DLC1: variants seen among roughly 807,000 people sequenced by gnomAD.
DLC1 encodes the protein DLC1 Rho GTPase activating protein.
In DLC1, 54 loss-of-function variants were observed where a neutral mutation model predicts 140.3. The observed-to-expected ratio is 0.38, with a 90% CI of 0.31 to 0.48. DLC1 has a LOEUF of 0.48. Ranked by LOEUF, DLC1 falls within the 20% of genes least tolerant of loss-of-function variation. The pLI is 0.96. For synonymous variants in DLC1, 986 were observed against 728.1 expected, an observed-to-expected ratio of 1.35 and a Z score of -5.70; for missense variants, 2,536 against 1,907.0, an observed-to-expected ratio of 1.33 and a Z score of -6.14.
intron 4 of DLC1, among the ~76,000 whole-genome samples, chr8:13,334,425 T>C (rs1422626469): frequency 6.6e-6 from 1 of 152,000 alleles, no homozygotes; most frequent in Non-Finnish European, 1.5e-5. Context: ...CAGCTGGAAG[T>C]TCTAAGCAAG....
chr8:13,398,521 T>A (rs537930201), intron 3 of DLC1, among the ~76,000 whole-genome samples: 1 of 149,372 alleles, frequency 6.7e-6, no homozygotes, highest in Non-Finnish European at 1.5e-5. Context: ...TCCCAACACA[T>A]TGGGAGGCCG....
intron 5 of DLC1, among the ~76,000 whole-genome samples, chr8:13,144,051 C>T (rs963277855): frequency 1.3e-5 from 2 of 152,232 alleles, no homozygotes; most frequent in East Asian, 1.9e-4. Flanking sequence ...AGATAGCTGG[C>T]AAAGTATCAT....
At chr8:13,492,360 G>C (rs1801291221) in intron 2 of DLC1, among the ~76,000 whole-genome samples, 1 of 152,006 alleles carries the variant, frequency 6.6e-6, no homozygotes, top group Non-Finnish European at 1.5e-5. Context: ...TCATCCTGTT[G>C]AAATTGAATC....
chr8:13,283,690 T>TG (rs1408378019), intron 5 of DLC1, among the ~76,000 whole-genome samples: 1 of 152,124 alleles, frequency 6.6e-6, no homozygotes, highest in African/African-American at 2.4e-5. Context: ...TATTTTTTAA[T>TG]GTTTTGTAGA....
intron 2 of DLC1, among the ~76,000 whole-genome samples, chr8:13,482,015 C>T (rs1201161263): frequency 6.6e-6 from 1 of 152,200 alleles, no homozygotes; most frequent in African/African-American, 2.4e-5. Context: ...GGAACCAATT[C>T]TCCTTCAGAG....
At chr8:13,162,151 C>T (rs1452923215) in intron 5 of DLC1, among the ~76,000 whole-genome samples, 2 of 152,166 alleles carry the variant, frequency 1.3e-5, no homozygotes, top group Non-Finnish European at 2.9e-5. Context: ...AGCCACTGCT[C>T]TTGGAACAGC....
intron 1 of DLC1, chr8:13,583,744 G>A (rs376496125): frequency 1.3e-5 from 2 of 152,262 alleles, no homozygotes; most frequent in African/African-American, 4.8e-5. Flanking sequence ...TTAGAGAGTC[G>A]GTGTCTCTGA....
intron 1 of DLC1, among the ~76,000 whole-genome samples, chr8:13,561,947 A>G (rs909951273): frequency 6.6e-6 from 1 of 152,194 alleles, no homozygotes; most frequent in Non-Finnish European, 1.5e-5. Flanking sequence ...TAACTTATAG[A>G]TAATATGATT....
chr8:13,149,996 G>T (rs1585774982), intron 5 of DLC1, among the ~76,000 whole-genome samples: 1 of 152,210 alleles, frequency 6.6e-6, no homozygotes, highest in Non-Finnish European at 1.5e-5. Context: ...AGATCTGTCA[G>T]CTCTGGGCCA....
chr8:13,184,559 C>T (rs1300480609), intron 5 of DLC1, among the ~76,000 whole-genome samples: 1 of 152,180 alleles, frequency 6.6e-6, no homozygotes, highest in Non-Finnish European at 1.5e-5. Flanking sequence ...ATTATTTACC[C>T]AGTAGTCATT....
intron 5 of DLC1, among the ~76,000 whole-genome samples, chr8:13,293,774 T>C (rs1386727524): frequency 6.6e-6 from 1 of 152,164 alleles, no homozygotes; most frequent in East Asian, 1.9e-4. Context: ...GGAGGAAACA[T>C]TTGAATCAGA....
chr8:13,349,295 G>C (rs1458343183), intron 4 of DLC1, among the ~76,000 whole-genome samples: 6 of 152,008 alleles, frequency 3.9e-5, no homozygotes, highest in Non-Finnish European at 8.8e-5. Context: ...TATGGCTTTA[G>C]ATGTAAAAAG....
intron 5 of DLC1, among the ~76,000 whole-genome samples, chr8:13,148,202 G>C (rs534633724): frequency 6.6e-6 from 1 of 152,006 alleles, no homozygotes; most frequent in Admixed American, 6.6e-5. Context: ...ATATTCACAG[G>C]GGTTTGTTGT....
chr8:13,223,494 A>C (rs1306963615), intron 5 of DLC1, among the ~76,000 whole-genome samples: 1 of 152,244 alleles, frequency 6.6e-6, no homozygotes, highest in African/African-American at 2.4e-5. Context: ...AAACCCTAGA[A>C]GAAAAATTGC....
chr8:13,157,471 A>AG (rs35440467), intron 5 of DLC1, among the ~76,000 whole-genome samples: 17,834 of 152,198 alleles, frequency 0.12, 1,426 homozygotes, highest in African/African-American at 0.22. Flanking sequence ...GAACAAAAAA[A>AG]GGCAGTGATT....
chr8:13,095,344 C>A (rs1818423186), intron 10 of DLC1, 99 bp from the exon 11 acceptor site: 2 of 1,462,774 alleles, frequency 1.4e-6, no homozygotes, highest in Middle Eastern at 2.0e-4. Context: ...GGCTCCAGAT[C>A]TGTGCTAATA....
intron 1 of DLC1, among the ~76,000 whole-genome samples, chr8:13,566,634 A>G (rs561769675): frequency 1.3e-5 from 2 of 152,302 alleles, no homozygotes; most frequent in South Asian, 4.1e-4. Flanking sequence ...CACGTGTGCC[A>G]CCTGTCTGAC....
At chr8:13,576,019 C>A (rs949238496) in intron 1 of DLC1, among the ~76,000 whole-genome samples, 3 of 152,160 alleles carry the variant, frequency 2.0e-5, no homozygotes, top group Admixed American at 6.5e-5. Flanking sequence ...AGACCACTGG[C>A]AATGGCCTGT....
intron 4 of DLC1, among the ~76,000 whole-genome samples, chr8:13,314,206 A>C (rs1180334073): frequency 7.0e-6 from 1 of 142,446 alleles, no homozygotes; most frequent in African/African-American, 2.6e-5. Context: ...TATACATATA[A>C]TATATAGACA....
Sources: allele counts gnomAD v4.1 joint callset (sites outside exome capture counted in the v4.1 genomes callset), GRCh38; gene constraint gnomAD v4.1.1; transcripts MANE v1.5; gene names NCBI Gene and HGNC (gene_info 2026-07-23, HGNC 2026-07-21).